The following DNMT3B variants were observed in gnomAD, a reference collection of about 807,000 sequenced individuals.
DNMT3B encodes the protein DNA (cytosine-5)-methyltransferase 3B.
In DNMT3B, 37 loss-of-function variants were observed where a neutral mutation model predicts 120.2. The ratio of observed to expected loss-of-function variants is 0.31; its 90% CI spans 0.24 to 0.40. The LOEUF is 0.40. Among genes scored for constraint, DNMT3B ranks in the 10% least tolerant of loss-of-function variants. The pLI, the probability that DNMT3B is intolerant of heterozygous loss-of-function variation, is 1.00. For missense variants in DNMT3B, 878 were observed against 1,137.3 expected (o/e 0.77, Z 3.28); for synonymous variants, 412 against 442.8 (o/e 0.93, Z 0.87).
intron 1 of DNMT3B, among the ~76,000 whole-genome samples, chr20:32,770,926 G>A (rs1316663651): frequency 6.6e-6 from 1 of 151,366 alleles, no homozygotes; most frequent in Non-Finnish European, 1.5e-5. Context: ...TTTTTTTTTT[G>A]TAATGTTGGG....
chr20:32,791,991 A>G (rs1980023278), intron 8 of DNMT3B, among the ~76,000 whole-genome samples: 1 of 152,194 alleles, frequency 6.6e-6, no homozygotes, highest in Non-Finnish European at 1.5e-5. Flanking sequence ...GCTTTTCCAG[A>G]GACCTCAGAG....
chr20:32,804,556 C>T (rs1398406349), intron 20 of DNMT3B, among the ~76,000 whole-genome samples: 1 of 152,178 alleles, frequency 6.6e-6, no homozygotes, highest in Non-Finnish European at 1.5e-5. Flanking sequence ...AGTCCTCTTG[C>T]ACCAGTTTCT....
chr20:32,785,823 T>C (rs574192884), intron 4 of DNMT3B, among the ~76,000 whole-genome samples: 13 of 152,352 alleles, frequency 8.5e-5, no homozygotes, highest in African/African-American at 3.1e-4. Context: ...GGCCTTATGC[T>C]TCTTTGACAT....
At chr20:32,774,605 T>C (rs1417284520) in intron 1 of DNMT3B, among the ~76,000 whole-genome samples, 1 of 151,162 alleles carries the variant, frequency 6.6e-6, no homozygotes, top group African/African-American at 2.4e-5. Context: ...TTCTGGTGTA[T>C]CCATTACCGA....
chr20:32,780,566 C>A, intron 2 of DNMT3B, 101 bp downstream of exon 2: 1 of 1,511,882 alleles, frequency 6.6e-7, no homozygotes, highest in Non-Finnish European at 8.9e-7. Flanking sequence ...ACAACCTCCA[C>A]CACAATTCCC....
intron 1 of DNMT3B, among the ~76,000 whole-genome samples, chr20:32,769,039 C>G (rs1007602460): frequency 2.0e-4 from 31 of 152,216 alleles, no homozygotes; most frequent in African/African-American, 7.5e-4. Flanking sequence ...ATTGTTACTA[C>G]AACCACAAAA....
chr20:32,773,852 G>T (rs760812584), intron 1 of DNMT3B, among the ~76,000 whole-genome samples: 1 of 149,492 alleles, frequency 6.7e-6, no homozygotes, highest in Admixed American at 6.7e-5. Flanking sequence ...CCAGGCTGGC[G>T]TTGAACTCCT....
At chr20:32,790,934 A>C (rs1446352232) in intron 7 of DNMT3B, among the ~76,000 whole-genome samples, 1 of 152,174 alleles carries the variant, frequency 6.6e-6, no homozygotes, top group Non-Finnish European at 1.5e-5. Context: ...AGTGCTGGGA[A>C]TATAGGCCTG....
At chr20:32,781,243 T>G in intron 2 of DNMT3B, 110 bp from the exon 3 acceptor site, 1 of 1,047,570 alleles carries the variant, frequency 9.5e-7, no homozygotes, top group Non-Finnish European at 1.5e-6. Context: ...CTGACAATAG[T>G]GTAGGGGAGA....
chr20:32,805,502 T>A, intron 21 of DNMT3B, 95 bp downstream of exon 21: 2 of 1,436,002 alleles, frequency 1.4e-6, no homozygotes, highest in Non-Finnish European at 1.9e-6. Flanking sequence ...TTCCTACTCC[T>A]CCCCCCACGT....
Position 32,802,426 on chromosome 20 carries a change from T to A in DNMT3B, c.2187T>A (p.Ala729=), listed in dbSNP as rs1981468731. ...TTGATGCCATCAAAGTTTCTGCTGC[T>A]CACAGGGCCCGATACTTCTGGGGCA... The part of the protein sequence containing the change: ...VMIDAIKVSA[A]HRARYFWGNL... The change falls in exon 20 of 23, where the codon GCT becomes GCA. Residue 729 remains alanine, a synonymous_variant. Transcript: ENST00000328111. 6.2e-7 allele frequency: 1 copy of A among 1,614,090 alleles called. No homozygotes were observed. Among genetic ancestry groups the A allele is most frequent in the Non-Finnish European group, 8.5e-7 (1 of 1,180,052 alleles).
chr20:32,781,305 A>C (rs750373045), intron 2 of DNMT3B, 48 bp from the exon 3 acceptor site: 25 of 1,601,514 alleles, frequency 1.6e-5, no homozygotes, highest in Non-Finnish European at 2.0e-5. Flanking sequence ...CGTTCCCCAG[A>C]CTGGTGCCTG....
At chr20:32,792,877 G>T (rs1980151963) in intron 9 of DNMT3B, 107 bp downstream of exon 9, 2 of 1,515,828 alleles carry the variant, frequency 1.3e-6, no homozygotes. Flanking sequence ...CTTTCTAGCA[G>T]CTGGTCTCAA....
chr20:32,769,329 T>C lies in DNMT3B; in HGVS notation c.-7+6630T>C, dbSNP rs13433248. 5.3e-3 allele frequency among the ~76,000 whole-genome samples: 809 copies of C among 152,208 alleles called. 7 individuals carry two copies. The highest frequency in any genetic ancestry group is 0.018 in the African/African-American group (768 of 41,518). On this transcript the variant is annotated intron_variant, in intron 1 of 22. Transcript: ENST00000328111. The stretch of plus-strand genomic sequence containing the variant: ...GTCTTGATCTCCTGACCTCGTGATC[T>C]GCCCGCCTCGGCCTCCCAAAGTACT...
intron 3 of DNMT3B, among the ~76,000 whole-genome samples, chr20:32,782,397 G>T (rs545021555): frequency 8.5e-5 from 13 of 152,334 alleles, no homozygotes; most frequent in South Asian, 8.3e-4. Context: ...GGCTGCATTT[G>T]CCAATGAAAA....
At position 32,781,604 on chromosome 20, in the gene DNMT3B, T is replaced by C. The variant is rs369947995; in HGVS notation, c.204+190T>C. Among the ~76,000 whole-genome samples, 6 of 152,262 alleles carry C rather than the reference T, an allele frequency of 3.9e-5. No homozygotes were observed. The East Asian group carries it at 1.2e-3, about 29-fold the overall frequency. ...ATCAGTTACATTGCTAAATCTCTAA[T>C]ATGGTAGTCCCCTCTTATCTGTCAT... On this transcript the variant is annotated intron_variant, in intron 3 of 22. Transcript: ENST00000328111.
intron 1 of DNMT3B, among the ~76,000 whole-genome samples, chr20:32,769,490 CTG>C (rs755266168): frequency 6.6e-6 from 1 of 152,280 alleles, no homozygotes; most frequent in East Asian, 1.9e-4. Flanking sequence ...TTGGTGCTCT[CTG>C]TGGGTTCAGC....
In DNMT3B at chr20:32,781,370, C is replaced by T. The variant is rs760640013; in HGVS notation, c.160C>T (p.Arg54Ter). 2 of 1,614,140 alleles carry T rather than the reference C, an allele frequency of 1.2e-6. No individual in the cohort carries two copies. The highest frequency in any genetic ancestry group is 8.5e-7 in the Non-Finnish European group (1 of 1,180,026). Reference protein sequence around the residue: ...PEIRGRRSSSRLSKREVSSLL... With the variant: ...PEIRGRRSSS ...CTCTACAGGCCGAAGATCAAGCTCG[C>T]GACTCTCCAAGAGGGAGGTGTCCAG... Residue 54 changes from arginine (R) to a stop codon, truncating the protein, a stop_gained, in exon 3 of 23, where the codon CGA becomes TGA. Coordinates refer to ENST00000328111, the MANE Select transcript of DNMT3B (RefSeq NM_006892.4). LOFTEE classifies it high-confidence loss of function.
At chr20:32,787,724 C>G (rs936954387) in intron 6 of DNMT3B, among the ~76,000 whole-genome samples, 6 of 152,154 alleles carry the variant, frequency 3.9e-5, no homozygotes, top group Non-Finnish European at 8.8e-5. Flanking sequence ...ACTGCAACTG[C>G]GTACGTTATA....
Sources: allele counts gnomAD v4.1 joint callset (sites outside exome capture counted in the v4.1 genomes callset), GRCh38; gene constraint gnomAD v4.1.1; transcripts MANE v1.5; gene names NCBI Gene and HGNC (gene_info 2026-07-23, HGNC 2026-07-21).